KCNIP1: variants seen among roughly 807,000 people sequenced by gnomAD.
KCNIP1 encodes potassium voltage-gated channel interacting protein 1.
KCNIP1 carries 18 observed loss-of-function variants against 33.0 expected under a neutral mutation model. That is an observed-to-expected ratio of 0.55 (90% CI 0.38 to 0.81). The LOEUF (loss-of-function observed/expected upper bound fraction) is 0.81. Among genes scored for constraint, KCNIP1 ranks in the 30% least tolerant of loss-of-function variants. The probability of loss-of-function intolerance (pLI) is 0.00; values close to 1 mark genes in which losing one functional copy is unlikely to be tolerated. For synonymous variants in KCNIP1, 93 were observed against 98.3 expected, an observed-to-expected ratio of 0.95 and a Z score of 0.32; for missense variants, 238 against 271.6, an observed-to-expected ratio of 0.88 and a Z score of 0.87.
intron 1 of KCNIP1, among the ~76,000 whole-genome samples, chr5:170,510,585 A>G (rs1291657922): frequency 1.3e-5 from 2 of 152,222 alleles, no homozygotes; most frequent in African/African-American, 4.8e-5. Context: ...CTTCAGAGAA[A>G]CATCTCTTTA....
intron 1 of KCNIP1, among the ~76,000 whole-genome samples, chr5:170,647,343 G>T (rs1199858314): frequency 6.6e-6 from 1 of 152,118 alleles, no homozygotes; most frequent in Non-Finnish European, 1.5e-5. Flanking sequence ...GAAGAAAAAA[G>T]TTGGAGGATT....
chr5:170,641,552 C>T (rs182117652), intron 1 of KCNIP1, among the ~76,000 whole-genome samples: 38 of 152,350 alleles, frequency 2.5e-4, no homozygotes, highest in Admixed American at 2.4e-3. Context: ...ACAATTGATT[C>T]ATTGCCTCTC....
At chr5:170,609,459 G>A (rs1004241135) in intron 1 of KCNIP1, among the ~76,000 whole-genome samples, 10 of 152,076 alleles carry the variant, frequency 6.6e-5, no homozygotes, top group Non-Finnish European at 2.9e-5. Context: ...CTAACATGAG[G>A]ATCCAAGAGC....
At chr5:170,376,062 G>T (rs1763988324) in intron 1 of KCNIP1, 1 of 151,226 alleles carries the variant, frequency 6.6e-6, no homozygotes, top group Non-Finnish European at 1.5e-5. Context: ...TTAGTACAGT[G>T]CCTGGCACAG....
At chr5:170,692,158 C>A (rs753375194) in intron 1 of KCNIP1, among the ~76,000 whole-genome samples, 7 of 152,080 alleles carry the variant, frequency 4.6e-5, no homozygotes, top group African/African-American at 1.7e-4. Context: ...ATTTAACATG[C>A]GTGGGATTAA....
intron 1 of KCNIP1, among the ~76,000 whole-genome samples, chr5:170,439,892 C>A (rs1755949435): frequency 6.6e-6 from 1 of 152,218 alleles, no homozygotes; most frequent in African/African-American, 2.4e-5. Flanking sequence ...TCCCTTCCTT[C>A]ATACAACCGG....
chr5:170,363,637 A>C (rs765438061), intron 1 of KCNIP1, among the ~76,000 whole-genome samples: 64 of 152,110 alleles, frequency 4.2e-4, no homozygotes, highest in Non-Finnish European at 7.7e-4. Flanking sequence ...TGGCAGCCCA[A>C]GCAGACTAAT....
chr5:170,463,372 A>C (rs1277189156), intron 1 of KCNIP1, among the ~76,000 whole-genome samples: 2 of 152,176 alleles, frequency 1.3e-5, no homozygotes, highest in African/African-American at 2.4e-5. Flanking sequence ...AAGCCACTAC[A>C]AAGAAAACTA....
At chr5:170,490,037 A>G (rs142491031) in intron 1 of KCNIP1, among the ~76,000 whole-genome samples, 2 of 152,292 alleles carry the variant, frequency 1.3e-5, no homozygotes, top group African/African-American at 2.4e-5. Context: ...ACCCCAGTGA[A>G]TGAGACTGAG....
chr5:170,631,698 A>G (rs1760057024), intron 1 of KCNIP1, among the ~76,000 whole-genome samples: 1 of 152,122 alleles, frequency 6.6e-6, no homozygotes, highest in Non-Finnish European at 1.5e-5. Flanking sequence ...CAACCCCTCA[A>G]ATCTCCTCCC....
intron 1 of KCNIP1, among the ~76,000 whole-genome samples, chr5:170,507,432 T>C (rs766358829): frequency 1.3e-5 from 2 of 152,262 alleles, no homozygotes; most frequent in Non-Finnish European, 2.9e-5. Context: ...TTTATGGCTC[T>C]ATTGTTTGGG....
intron 1 of KCNIP1, among the ~76,000 whole-genome samples, chr5:170,508,143 G>A (rs1270431872): frequency 1.3e-5 from 2 of 152,200 alleles, no homozygotes; most frequent in Non-Finnish European, 2.9e-5. Context: ...TTGCCTAGAA[G>A]CAAATAATCC....
intron 1 of KCNIP1, among the ~76,000 whole-genome samples, chr5:170,660,523 C>G (rs576305092): frequency 1.3e-5 from 2 of 152,346 alleles, no homozygotes; most frequent in East Asian, 3.9e-4. Context: ...CTCTGACTAG[C>G]TGGGTGGCAG....
intron 1 of KCNIP1, among the ~76,000 whole-genome samples, chr5:170,481,567 C>A (rs1756977334): frequency 6.6e-6 from 1 of 152,160 alleles, no homozygotes; most frequent in African/African-American, 2.4e-5. Context: ...AACATTTTAA[C>A]CCTTCATCCA....
intron 1 of KCNIP1, among the ~76,000 whole-genome samples, chr5:170,449,634 C>T (rs775818658): frequency 8.5e-5 from 13 of 152,240 alleles, no homozygotes; most frequent in Non-Finnish European, 1.6e-4. Flanking sequence ...AGCTATTGTG[C>T]TGATACAATA....
intron 1 of KCNIP1, among the ~76,000 whole-genome samples, chr5:170,478,510 G>C (rs1561643903): frequency 6.6e-6 from 1 of 152,000 alleles, no homozygotes; most frequent in Non-Finnish European, 1.5e-5. Context: ...TTACTTTCTG[G>C]CTGGCAGCTC....
chr5:170,521,136 G>A (rs1755349781), intron 1 of KCNIP1, among the ~76,000 whole-genome samples: 1 of 152,156 alleles, frequency 6.6e-6, no homozygotes, highest in East Asian at 1.9e-4. Flanking sequence ...CTAGTCCTTA[G>A]CACAAGCATG....
chr5:170,587,280 G>A (rs957791258), intron 1 of KCNIP1, among the ~76,000 whole-genome samples: 7 of 81,842 alleles, frequency 8.6e-5, no homozygotes, highest in Admixed American at 1.6e-4. Context: ...AATTAGCCGG[G>A]TGTGACTGCA....
chr5:170,722,892 G>A, intron 5 of KCNIP1, 72 bp downstream of exon 5: 1 of 928,920 alleles, frequency 1.1e-6, no homozygotes. Flanking sequence ...AACAGCCCCA[G>A]GCATGAGGAT....
Sources: gnomAD v4.1 joint callset for allele counts (sites outside exome capture counted in the v4.1 genomes callset) on GRCh38, gnomAD v4.1.1 for gene constraint, MANE v1.5 for transcripts, NCBI Gene and HGNC (gene_info 2026-07-23, HGNC 2026-07-21) for gene names.